Variants in SLC12A3 observed in about 807,000 individuals in gnomAD.
The protein encoded by SLC12A3 is solute carrier family 12 member 3, also known as Na-Cl cotransporter.
In SLC12A3, 104 loss-of-function variants were observed where a neutral mutation model predicts 121.0. The ratio of observed to expected loss-of-function variants is 0.86; its 90% CI spans 0.73 to 1.01. The LOEUF is 1.01. SLC12A3 is among the 50% of genes least tolerant of loss of function. The pLI is 0.00. For missense variants in SLC12A3, 1,328 were observed against 1,356.3 expected (o/e 0.98, Z 0.33); for synonymous variants, 536 against 533.4 (o/e 1.00, Z -0.07).
chr16:56,885,629 T>C (rs1178107964), intron 15 of SLC12A3, among the ~76,000 whole-genome samples: 1 of 152,160 alleles, frequency 6.6e-6, no homozygotes, highest in Non-Finnish European at 1.5e-5. Context: ...GAGGTGATTG[T>C]TGCTGCAGCT....
At position 56,915,166 on chromosome 16, in the gene SLC12A3, G is replaced by C. The variant is rs2055736609; in HGVS notation, c.*1761G>C. On this transcript the variant is annotated 3_prime_UTR_variant, in exon 26 of 26. Coordinates refer to ENST00000563236, the MANE Select transcript of SLC12A3 (RefSeq NM_001126108.2). ...TTGCAGCTCTAGACATAACCAAGAA[G>C]CGTAAAGGTGAGTTGTTTGGTGGTA... 1 of 152,252 alleles carries C rather than the reference G, an allele frequency of 6.6e-6. No homozygotes were observed. Among genetic ancestry groups the C allele is most frequent in the African/African-American group, 2.4e-5 (1 of 41,450 alleles). 9.4% of individuals were successfully genotyped at this position (152,252 alleles called of 1,614,324 possible).
chr16:56,909,994 A>G lies in SLC12A3; in HGVS notation c.2925-3270A>G, dbSNP rs980134558. On this transcript the variant is annotated intron_variant, in intron 25 of 25. Transcript: ENST00000563236. ...CACAGCTGATAAACCAGCCTCATAA[A>G]AAGCCCAGCAAGCTTTGACTAGCCT... 1.3e-5 allele frequency among the ~76,000 whole-genome samples: 2 copies of G among 152,216 alleles called. 1 individual carries two copies. Among genetic ancestry groups the G allele is most frequent in the South Asian group, 4.1e-4 (2 of 4,830 alleles).
chr16:56,879,692 C>G lies in SLC12A3; in HGVS notation c.1443+43C>G, dbSNP rs372182201. ...GGTCGAGATGACAGGGGGTGGGGAG[C>G]CTGGGCTAGAGGCACAATAGGGCGG... On this transcript the variant is annotated intron_variant, in intron 11 of 25. Transcript: ENST00000563236. 15 of 1,480,878 alleles carry G rather than the reference C, an allele frequency of 1.0e-5. No homozygotes were observed. In the African/African-American group the frequency reaches 1.9e-4, roughly 19 times the overall value. 91.7% of individuals were successfully genotyped at this position (1,480,878 alleles called of 1,614,324 possible).
rs1234523302 is a variant in SLC12A3, at chr16:56,872,696, T to C, written c.1005T>C (p.Gly335=). The change falls in exon 8 of 26, where the codon GGT becomes GGC. Residue 335 remains glycine, a synonymous_variant. Transcript: ENST00000563236. ...AGAACTTGGTGCCTGACTGGCGGGG[T>C]CCAGATGGCACCTTCTTCGGAATGT... ...FVQNLVPDWR[G]PDGTFFGMFS... 1 of 1,614,072 alleles carries C rather than the reference T, an allele frequency of 6.2e-7. No homozygotes were observed. The highest frequency in any genetic ancestry group is 1.3e-5 in the African/African-American group (1 of 74,936).
chr16:56,899,360 A>G (rs1311721932), intron 22 of SLC12A3, among the ~76,000 whole-genome samples, 170 bp from the exon 23 acceptor site: 1 of 152,184 alleles, frequency 6.6e-6, no homozygotes, highest in Non-Finnish European at 1.5e-5. Flanking sequence ...GTGGTGGCAC[A>G]CATCTGTAAT....
chr16:56,865,686 C>A (rs1051792251), intron 1 of SLC12A3, among the ~76,000 whole-genome samples, 169 bp downstream of exon 1: 5 of 152,182 alleles, frequency 3.3e-5, no homozygotes, highest in African/African-American at 1.2e-4. Context: ...AATCTGGGCA[C>A]ATGTTGGAAT....
intron 20 of SLC12A3, among the ~76,000 whole-genome samples, chr16:56,892,556 G>T (rs2055403101): frequency 6.6e-6 from 1 of 152,162 alleles, no homozygotes; most frequent in Non-Finnish European, 1.5e-5. Flanking sequence ...CCCCTGCCAA[G>T]GCCCCTCTAG....
chr16:56,877,181 C>G (rs2055174437), intron 8 of SLC12A3, among the ~76,000 whole-genome samples: 2 of 152,170 alleles, frequency 1.3e-5, no homozygotes, highest in African/African-American at 4.8e-5. Context: ...CACTTGAGGT[C>G]AGGAGTTCAA....
At position 56,913,126 on chromosome 16, in the gene SLC12A3, G is replaced by A. The variant is rs561037438; in HGVS notation, c.2925-138G>A. ...TGGGTCAGGTTTGTGCGGAAAGTGGGGAGGTCATTCTTAGGGTGGGTGGAA... is the reference window on the plus strand; with the variant it reads ...TGGGTCAGGTTTGTGCGGAAAGTGGAGAGGTCATTCTTAGGGTGGGTGGAA... On this transcript the variant is annotated intron_variant, in intron 25 of 25. Transcript: ENST00000563236. The A allele has an allele frequency of 1.1e-4, 116 of 1,069,350 alleles. No homozygotes were observed. The African/African-American group carries it at 1.6e-3, about 15-fold the overall frequency. 66.2% of individuals were successfully genotyped at this position (1,069,350 alleles called of 1,614,324 possible).
chr16:56,904,401 C>T lies in SLC12A3; in HGVS notation c.2863C>T (p.Arg955Trp), dbSNP rs559626481. 90 of 1,613,952 alleles carry T rather than the reference C, an allele frequency of 5.6e-5. No homozygotes were observed. The highest frequency in any genetic ancestry group is 6.7e-5 in the Admixed American group (4 of 60,012). The change falls in exon 25 of 26, where the codon CGG (arginine) becomes TGG (tryptophan). Residue 955 changes from arginine (R) to tryptophan (W), a missense_variant. By Grantham distance (101) the Arg-to-Trp change is moderately radical. Coordinates refer to ENST00000563236, the MANE Select transcript of SLC12A3 (RefSeq NM_001126108.2). ...TCGGCTTTCTCCCGCCCAGTCCCTT[C>T]GGCAGGTGAGGCTGAATGAGATTGT... ...EITKNRVKSL[R>W]QVRLNEIVLD...
chr16:56,887,524 A>G (rs996991776), intron 17 of SLC12A3, among the ~76,000 whole-genome samples: 4 of 151,042 alleles, frequency 2.6e-5, no homozygotes, highest in Non-Finnish European at 5.9e-5. Flanking sequence ...CAACTTTCTT[A>G]TGTCTCCAGA....
intron 25 of SLC12A3, among the ~76,000 whole-genome samples, chr16:56,909,885 C>T (rs998627328): frequency 1.3e-5 from 2 of 152,088 alleles, no homozygotes; most frequent in African/African-American, 2.4e-5. Flanking sequence ...TTTCTAGAGC[C>T]GGTTTGAGGC....
chr16:56,892,954 G>T lies in SLC12A3; in HGVS notation c.2421G>T (p.Val807=). The T allele has an allele frequency of 3.1e-6, 5 of 1,613,860 alleles. No individual in the cohort carries two copies. Among genetic ancestry groups the T allele is most frequent in the Non-Finnish European group, 3.4e-6 (4 of 1,179,770 alleles). Residue 807 remains valine (V), a splice_region_variant and synonymous_variant, in exon 21 of 26, where the codon GTG becomes GTT. Transcript: ENST00000563236. ...CTGACCCGCCCCCACCTCCTGCAGT[G>T]GACCCCAAGGCCCTGGTGAAGGAGG... The part of the protein sequence containing the change: ...AEDGKEASAR[V]DPKALVKEEQ...
chr16:56,911,072 C>G (rs2055678110), intron 25 of SLC12A3, among the ~76,000 whole-genome samples: 1 of 152,210 alleles, frequency 6.6e-6, no homozygotes, highest in Non-Finnish European at 1.5e-5. Flanking sequence ...TCCCCACCCC[C>G]ATGGTGCAGG....
intron 1 of SLC12A3, among the ~76,000 whole-genome samples, chr16:56,866,055 G>A (rs1414231141): frequency 5.3e-5 from 8 of 150,194 alleles, no homozygotes; most frequent in Middle Eastern, 3.4e-3. Context: ...GTGTGATCTC[G>A]GCTCACTGCA....
intron 19 of SLC12A3, among the ~76,000 whole-genome samples, chr16:56,890,703 A>G (rs1296433447): frequency 6.6e-6 from 1 of 152,150 alleles, no homozygotes; most frequent in African/African-American, 2.4e-5. Context: ...GTTCAAGACC[A>G]GCCTGGCCAA....
In SLC12A3 at chr16:56,870,276, C is replaced by T. The variant is rs1208542185; in HGVS notation, c.741+41C>T. 3.1e-6 allele frequency: 5 copies of T among 1,598,216 alleles called. No individual in the cohort carries two copies. In the African/African-American group the frequency reaches 6.7e-5, roughly 21 times the overall value. ...TGGACCCTGGGTAGAGGGATCCGGG[C>T]AGCCCATTGCACTCTCCTCCGCCCC... On this transcript the variant is annotated intron_variant, in intron 5 of 25. Transcript: ENST00000563236.
In SLC12A3 at chr16:56,870,121, G is replaced by C. The variant is rs2055071862; in HGVS notation, c.627G>C (p.Arg209=). Residue 209 remains arginine, a synonymous_variant, in exon 5 of 26, where the codon CGG becomes CGC. Transcript: ENST00000563236. ...GTGGCACCTACTTCCTCATCTCCCGGAGTCTGGGCCCAGAGCTTGGGGGCT... is the reference window on the plus strand; with the variant it reads ...GTGGCACCTACTTCCTCATCTCCCGCAGTCTGGGCCCAGAGCTTGGGGGCT... ...KSGGTYFLIS[R]SLGPELGGSI... 6.2e-7 allele frequency: 1 copy of C among 1,613,824 alleles called. No homozygotes were observed. Among genetic ancestry groups the C allele is most frequent in the East Asian group, 2.2e-5 (1 of 44,886 alleles).
intron 11 of SLC12A3, 62 bp downstream of exon 11, chr16:56,879,711 A>AGG: frequency 8.0e-7 from 1 of 1,246,872 alleles, no homozygotes; most frequent in East Asian, 2.3e-5. Context: ...GAGGCACAAT[A>AGG]GGGCGGGTCC....
Sources: gnomAD v4.1 joint callset for allele counts (sites outside exome capture counted in the v4.1 genomes callset) on GRCh38, gnomAD v4.1.1 for gene constraint, MANE v1.5 for transcripts, NCBI Gene and HGNC (gene_info 2026-07-23, HGNC 2026-07-21) for gene names.